The following RIMS2 variants were observed in gnomAD, a reference collection of about 807,000 sequenced individuals.
The protein encoded by RIMS2 is regulating synaptic membrane exocytosis 2.
Under a neutral mutation model 174.4 loss-of-function variants are expected in RIMS2, and 59 were observed. The observed-to-expected ratio is 0.34, with a 90% CI of 0.27 to 0.42. The LOEUF (loss-of-function observed/expected upper bound fraction) is 0.42, where lower values mean the gene tolerates loss of function less well. RIMS2 is among the 10% of genes least tolerant of loss of function. RIMS2 has a pLI of 1.00. For synonymous variants in RIMS2, 606 were observed against 572.5 expected, an observed-to-expected ratio of 1.06 and a Z score of -0.84; for missense variants, 1,620 against 1,666.3, an observed-to-expected ratio of 0.97 and a Z score of 0.48.
chr8:103,848,468 C>T (rs2098979550), intron 3 of RIMS2, among the ~76,000 whole-genome samples: 1 of 152,036 alleles, frequency 6.6e-6, no homozygotes, highest in Non-Finnish European at 1.5e-5. Context: ...AGGCCCAGAT[C>T]AGCTACTTCC....
At chr8:104,039,389 T>C (rs2096571459) in intron 19 of RIMS2, among the ~76,000 whole-genome samples, 1 of 151,774 alleles carries the variant, frequency 6.6e-6, no homozygotes, top group South Asian at 2.1e-4. Flanking sequence ...GCCTCTGCTA[T>C]TCACTAAAAT....
At chr8:103,763,412 G>A (rs1287415023) in intron 2 of RIMS2, among the ~76,000 whole-genome samples, 1 of 150,776 alleles carries the variant, frequency 6.6e-6, no homozygotes, top group Non-Finnish European at 1.5e-5. Flanking sequence ...CTCCAGCCTA[G>A]GTGACAAGGT....
At chr8:104,058,442 T>G (rs536774156) in intron 19 of RIMS2, among the ~76,000 whole-genome samples, 1 of 151,424 alleles carries the variant, frequency 6.6e-6, no homozygotes, top group African/African-American at 2.4e-5. Context: ...TAAATTTGTT[T>G]GAGTTCATTG....
intron 14 of RIMS2, among the ~76,000 whole-genome samples, chr8:103,955,845 G>C (rs1044643398): frequency 1.3e-5 from 2 of 152,154 alleles, no homozygotes; most frequent in Non-Finnish European, 2.9e-5. Flanking sequence ...TGTGTATTTA[G>C]AAAACCCCAT....
chr8:104,181,345 A>G (rs2135943596), intron 19 of RIMS2, among the ~76,000 whole-genome samples: 1 of 151,742 alleles, frequency 6.6e-6, no homozygotes. Flanking sequence ...AAAAATTATG[A>G]TTAATTCAGC....
intron 3 of RIMS2, among the ~76,000 whole-genome samples, chr8:103,795,080 A>T (rs1312323104): frequency 6.6e-6 from 1 of 152,228 alleles, no homozygotes; most frequent in African/African-American, 2.4e-5. Context: ...CCATCCCATT[A>T]CTGGGTATAT....
intron 2 of RIMS2, among the ~76,000 whole-genome samples, chr8:103,755,584 G>A (rs918600395): frequency 6.6e-6 from 1 of 152,084 alleles, no homozygotes; most frequent in Non-Finnish European, 1.5e-5. Flanking sequence ...CATAGATTTG[G>A]TCTTTTCACA....
chr8:104,117,018 A>G (rs979595999), intron 19 of RIMS2, among the ~76,000 whole-genome samples: 9 of 151,558 alleles, frequency 5.9e-5, no homozygotes, highest in Admixed American at 1.3e-4. Flanking sequence ...GTAGCTCGTA[A>G]ATTTATTTGT....
At chr8:103,766,266 A>G in exon 3 of RIMS2, 2 of 1,613,534 alleles carry the variant, frequency 1.2e-6, no homozygotes, top group Non-Finnish European at 1.7e-6. Flanking sequence ...ACAACAAGAA[A>G]TCCTCACTAA....
chr8:104,118,647 C>T (rs2098323581), intron 19 of RIMS2, among the ~76,000 whole-genome samples: 1 of 151,810 alleles, frequency 6.6e-6, no homozygotes, highest in African/African-American at 2.4e-5. Flanking sequence ...GGGATTATAG[C>T]CATGAGCCAC....
intron 3 of RIMS2, among the ~76,000 whole-genome samples, chr8:103,780,349 A>T (rs1369783670): frequency 6.6e-6 from 1 of 152,154 alleles, no homozygotes; most frequent in African/African-American, 2.4e-5. Flanking sequence ...GCTCTTGTTC[A>T]ACTCCCTCTT....
At chr8:103,998,270 G>A in intron 17 of RIMS2, 1 of 1,568,534 alleles carries the variant, frequency 6.4e-7, no homozygotes, top group Non-Finnish European at 8.8e-7. Flanking sequence ...TCTTACAATT[G>A]AGTCTGTTTG....
intron 19 of RIMS2, among the ~76,000 whole-genome samples, chr8:104,088,406 C>T (rs2097574302): frequency 1.3e-5 from 2 of 152,014 alleles, no homozygotes; most frequent in Admixed American, 6.6e-5. Context: ...GAACTTCAGC[C>T]TAACTTGTAT....
At chr8:103,930,034 T>C (rs1192223482) in intron 11 of RIMS2, among the ~76,000 whole-genome samples, 3 of 152,030 alleles carry the variant, frequency 2.0e-5, no homozygotes, top group Non-Finnish European at 2.9e-5. Context: ...GAGATAATAC[T>C]GACATGGAAA....
intron 19 of RIMS2, among the ~76,000 whole-genome samples, chr8:104,219,196 T>C (rs1470951030): frequency 2.0e-5 from 3 of 152,230 alleles, no homozygotes; most frequent in Non-Finnish European, 2.9e-5. Flanking sequence ...TGGTATACAG[T>C]TTGAGTAATC....
intron 19 of RIMS2, among the ~76,000 whole-genome samples, chr8:104,155,308 G>A (rs1402271515): frequency 2.7e-5 from 4 of 150,620 alleles, no homozygotes; most frequent in South Asian, 2.1e-4. Flanking sequence ...GGGTTTCACC[G>A]TGTTACCCAG....
chr8:103,793,276 C>T (rs1181165600), intron 3 of RIMS2, among the ~76,000 whole-genome samples: 1 of 152,152 alleles, frequency 6.6e-6, no homozygotes, highest in Non-Finnish European at 1.5e-5. Context: ...GCTGGTTCAA[C>T]ATACGCAAAT....
At chr8:104,115,098 C>A (rs960772126) in intron 19 of RIMS2, among the ~76,000 whole-genome samples, 3 of 152,010 alleles carry the variant, frequency 2.0e-5, no homozygotes, top group Admixed American at 2.0e-4. Flanking sequence ...AGTTTGCATT[C>A]AATTTATTAT....
chr8:104,072,947 C>G (rs1387148762), intron 19 of RIMS2, among the ~76,000 whole-genome samples: 1 of 152,104 alleles, frequency 6.6e-6, no homozygotes, highest in African/African-American at 2.4e-5. Flanking sequence ...GGGAGTTTCC[C>G]TCAAAATAGA....
Sources: gnomAD v4.1 joint callset for allele counts (sites outside exome capture counted in the v4.1 genomes callset) on GRCh38, gnomAD v4.1.1 for gene constraint, MANE v1.5 for transcripts, NCBI Gene and HGNC (gene_info 2026-07-23, HGNC 2026-07-21) for gene names.